The following CDH20 variants were observed in gnomAD, a reference collection of about 807,000 sequenced individuals.
CDH20 encodes the protein cadherin-20.
A neutral mutation model predicts 74.2 loss-of-function variants in CDH20; 29 were observed. That is an observed-to-expected ratio of 0.39 (90% CI 0.29 to 0.53). CDH20 has a LOEUF of 0.53. Ranked by LOEUF, CDH20 falls within the 20% of genes least tolerant of loss-of-function variation. The pLI is 0.69. For missense variants in CDH20, 988 were observed against 1,048.3 expected, an observed-to-expected ratio of 0.94 and a Z score of 0.79; for synonymous variants, 469 against 405.4, an observed-to-expected ratio of 1.16 and a Z score of -1.88.
chr18:61,457,349 A>T (rs1909607483), intron 1 of CDH20, among the ~76,000 whole-genome samples: 1 of 152,156 alleles, frequency 6.6e-6, no homozygotes. Flanking sequence ...AATGCTGTTC[A>T]AAGTGCTTGT....
chr18:61,409,771 G>A (rs1475890779), intron 1 of CDH20, among the ~76,000 whole-genome samples: 8 of 152,174 alleles, frequency 5.3e-5, no homozygotes, highest in Admixed American at 2.0e-4. Context: ...AGGAGTTGAA[G>A]TAACGAATAT....
intron 11 of CDH20, among the ~76,000 whole-genome samples, chr18:61,553,857 C>T (rs1913521949): frequency 6.6e-6 from 1 of 152,086 alleles, no homozygotes; most frequent in Non-Finnish European, 1.5e-5. Context: ...CATAGCAGGC[C>T]TTTGTGCTTT....
chr18:61,339,640 A>C (rs1599023501), intron 1 of CDH20, among the ~76,000 whole-genome samples: 1 of 151,222 alleles, frequency 6.6e-6, no homozygotes, highest in African/African-American at 2.4e-5. Context: ...ATAAAGTGAT[A>C]ATTTGATTCC....
At chr18:61,373,008 C>A (rs1911094478) in intron 1 of CDH20, among the ~76,000 whole-genome samples, 1 of 152,102 alleles carries the variant, frequency 6.6e-6, no homozygotes, top group Admixed American at 6.6e-5. Flanking sequence ...TGGACAAGTA[C>A]AAGAATGTTT....
At chr18:61,506,627 TG>T (rs766577638) in intron 5 of CDH20, among the ~76,000 whole-genome samples, 25 of 152,252 alleles carry the variant, frequency 1.6e-4, no homozygotes, top group Non-Finnish European at 3.2e-4. Context: ...TACGAATTCA[TG>T]GAGATGAAAG....
At chr18:61,467,086 AAGAC>A (rs1286207511) in intron 1 of CDH20, among the ~76,000 whole-genome samples, 1 of 152,154 alleles carries the variant, frequency 6.6e-6, no homozygotes, top group African/African-American at 2.4e-5. Flanking sequence ...GGTCAGTTCT[AAGAC>A]AGAAATATGC....
chr18:61,536,686 A>G (rs1301240506), intron 8 of CDH20, 57 bp downstream of exon 8: 1 of 1,506,702 alleles, frequency 6.6e-7, no homozygotes, highest in Non-Finnish European at 9.1e-7. Context: ...TGTTATAGAA[A>G]GTGGAAGTTT....
At chr18:61,544,067 A>G (rs1057315900) in intron 9 of CDH20, among the ~76,000 whole-genome samples, 2 of 152,246 alleles carry the variant, frequency 1.3e-5, no homozygotes, top group South Asian at 4.1e-4. Context: ...CTACTAACAT[A>G]CTCAAGCCCA....
intron 1 of CDH20, among the ~76,000 whole-genome samples, chr18:61,404,079 A>G (rs1238760803): frequency 6.6e-6 from 1 of 152,206 alleles, no homozygotes; most frequent in Non-Finnish European, 1.5e-5. Context: ...TCAGAGTGGT[A>G]GGGGGCAAGG....
intron 1 of CDH20, among the ~76,000 whole-genome samples, chr18:61,475,612 T>C (rs1910345777): frequency 6.6e-6 from 1 of 152,218 alleles, no homozygotes. Flanking sequence ...ATCTCAATGC[T>C]TAGTGACCAT....
chr18:61,367,414 G>A (rs1252943755), intron 1 of CDH20, among the ~76,000 whole-genome samples: 1 of 152,164 alleles, frequency 6.6e-6, no homozygotes, highest in Non-Finnish European at 1.5e-5. Flanking sequence ...TTCGTGGCTT[G>A]AGATAACACA....
intron 9 of CDH20, among the ~76,000 whole-genome samples, chr18:61,542,523 TAG>T (rs1913076378): frequency 6.6e-6 from 1 of 152,186 alleles, no homozygotes; most frequent in South Asian, 2.1e-4. Flanking sequence ...GTTCCAGAAC[TAG>T]AGTTTCCCCA....
intron 1 of CDH20, among the ~76,000 whole-genome samples, chr18:61,384,510 C>G (rs1238553719): frequency 1.3e-5 from 2 of 152,048 alleles, no homozygotes; most frequent in Non-Finnish European, 2.9e-5. Flanking sequence ...TATTAGAAAA[C>G]CTAAACAAAA....
intron 1 of CDH20, among the ~76,000 whole-genome samples, chr18:61,471,909 G>T (rs910314778): frequency 6.6e-6 from 1 of 152,136 alleles, no homozygotes; most frequent in Non-Finnish European, 1.5e-5. Context: ...CATGTGATTT[G>T]TTAGCCTTCC....
Position 61,361,136 on chromosome 18 carries a change from G to T in CDH20, c.-153+27309G>T, listed in dbSNP as rs1391997573. Among the ~76,000 whole-genome samples the T allele has an allele frequency of 2.0e-5, 3 of 152,150 alleles. No homozygotes were observed. In the East Asian group the frequency reaches 5.8e-4, roughly 29 times the overall value. On this transcript the variant is annotated intron_variant, in intron 1 of 11. Coordinates refer to ENST00000262717, the MANE Select transcript of CDH20 (RefSeq NM_031891.4). Reference sequence around the variant, plus strand: ...CAAGTATTTCAATTAGTTTGCAGAAGCAAATACCACTCCCTTCTCCCCTTT... The same window carrying T: ...CAAGTATTTCAATTAGTTTGCAGAATCAAATACCACTCCCTTCTCCCCTTT...
At chr18:61,471,727 G>A (rs577933142) in intron 1 of CDH20, among the ~76,000 whole-genome samples, 23 of 152,212 alleles carry the variant, frequency 1.5e-4, no homozygotes, top group East Asian at 1.2e-3. Flanking sequence ...TTAAGATCCC[G>A]TTTGTCGGAG....
intron 1 of CDH20, among the ~76,000 whole-genome samples, chr18:61,452,765 G>A (rs1217077241): frequency 6.6e-6 from 1 of 152,112 alleles, no homozygotes; most frequent in African/African-American, 2.4e-5. Flanking sequence ...AAGAAGCAAT[G>A]AGCCAAGTTC....
Position 61,554,447 on chromosome 18 carries a change from A to G in CDH20, c.2158A>G (p.Ser720Gly), listed in dbSNP as rs1465009645. Residue 720 changes from serine (S) to glycine (G), a missense_variant, in exon 12 of 12, where the codon AGC (serine) becomes GGC (glycine). Ser to Gly is a moderately conservative substitution (Grantham distance 56). Transcript: ENST00000262717. ...CGTGCCTCAGACGTGCGCAGTGAAC[A>G]GCACTGTCCACAGCTACGTGCTGGC... ...RYVPQTCAVN[S>G]TVHSYVLAKL... is the part of the protein sequence containing the mutation. 2 of 1,613,364 alleles carry G rather than the reference A, an allele frequency of 1.2e-6. No individual in the cohort carries two copies. The highest frequency in any genetic ancestry group is 8.5e-7 in the Non-Finnish European group (1 of 1,179,960).
chr18:61,514,487 T>G (rs957335616), intron 6 of CDH20, among the ~76,000 whole-genome samples: 5 of 152,180 alleles, frequency 3.3e-5, no homozygotes, highest in Non-Finnish European at 5.9e-5. Flanking sequence ...TCTGAAGCCT[T>G]CTTCTCTCAG....
Sources: gnomAD v4.1 joint callset for allele counts (sites outside exome capture counted in the v4.1 genomes callset) on GRCh38, gnomAD v4.1.1 for gene constraint, MANE v1.5 for transcripts, NCBI Gene and HGNC (gene_info 2026-07-23, HGNC 2026-07-21) for gene names.